The following NRXN1 variants were observed in gnomAD, a reference collection of about 807,000 sequenced individuals.
NRXN1 encodes neurexin-1.
A neutral mutation model predicts 150.9 loss-of-function variants in NRXN1; 39 were observed. The ratio of observed to expected loss-of-function variants is 0.26; its 90% CI spans 0.20 to 0.34. NRXN1 has a LOEUF of 0.34. NRXN1 is among the 10% of genes least tolerant of loss of function. The probability of loss-of-function intolerance (pLI) is 1.00; values close to 1 mark genes in which losing one functional copy is unlikely to be tolerated. For missense variants in NRXN1, 1,815 were observed against 1,949.9 expected, an observed-to-expected ratio of 0.93 and a Z score of 1.30; for synonymous variants, 924 against 757.0, an observed-to-expected ratio of 1.22 and a Z score of -3.62.
At chr2:50,813,080 G>C (rs1449528698) in intron 5 of NRXN1, among the ~76,000 whole-genome samples, 1 of 151,976 alleles carries the variant, frequency 6.6e-6, no homozygotes, top group Non-Finnish European at 1.5e-5. Flanking sequence ...TGTAGTCCCA[G>C]CTACATGGGA....
chr2:50,411,527 G>A (rs565114085), intron 17 of NRXN1, among the ~76,000 whole-genome samples: 25 of 150,670 alleles, frequency 1.7e-4, no homozygotes, highest in South Asian at 6.4e-4. Context: ...CCACCGCCCT[G>A]TCTGAGATGT....
chr2:50,834,782 G>C (rs964513910), intron 5 of NRXN1, among the ~76,000 whole-genome samples: 41 of 152,122 alleles, frequency 2.7e-4, no homozygotes, highest in African/African-American at 9.4e-4. Flanking sequence ...ACCCAGGTCT[G>C]AGTTGGGGCT....
intron 18 of NRXN1, among the ~76,000 whole-genome samples, chr2:50,121,528 G>A (rs905953853): frequency 1.2e-4 from 18 of 152,102 alleles, no homozygotes; most frequent in African/African-American, 4.1e-4. Context: ...TTTATATAAG[G>A]GACTTAAATA....
At chr2:50,402,239 T>G (rs1241904452) in intron 17 of NRXN1, among the ~76,000 whole-genome samples, 1 of 152,066 alleles carries the variant, frequency 6.6e-6, no homozygotes, top group Admixed American at 6.6e-5. Flanking sequence ...TTCCACTAAT[T>G]TAATACATCC....
At chr2:50,060,733 T>C (rs1174699360) in intron 19 of NRXN1, among the ~76,000 whole-genome samples, 1 of 152,212 alleles carries the variant, frequency 6.6e-6, no homozygotes, top group African/African-American at 2.4e-5. Context: ...CTCATGGTTT[T>C]ATAAAGGCAG....
rs192245878 is a variant in NRXN1, at chr2:50,870,903, C to T, written c.832+50966G>A. 1.3e-4 allele frequency among the ~76,000 whole-genome samples: 19 copies of T among 152,000 alleles called. No homozygotes were observed. The East Asian group carries it at 3.7e-3, about 30-fold the overall frequency. ...TTCTGCACAACATCCTCAGAAGTTACTACTCTGCTATAAATAAAATCTCAA... is the reference window on the plus strand; with the variant it reads ...TTCTGCACAACATCCTCAGAAGTTATTACTCTGCTATAAATAAAATCTCAA... On this transcript the variant is annotated intron_variant, in intron 5 of 22. Transcript: ENST00000401669.
intron 19 of NRXN1, among the ~76,000 whole-genome samples, chr2:50,055,591 G>C (rs1693468888): frequency 6.6e-6 from 1 of 152,044 alleles, no homozygotes; most frequent in African/African-American, 2.4e-5. Context: ...AAACAACAAA[G>C]TCCAAATAGT....
At chr2:50,822,500 T>C (rs1159821414) in intron 5 of NRXN1, among the ~76,000 whole-genome samples, 1 of 152,102 alleles carries the variant, frequency 6.6e-6, no homozygotes, top group Non-Finnish European at 1.5e-5. Context: ...CACCTTTGCA[T>C]AATATAAGAC....
rs1450821691 is a variant in NRXN1 at position 50,160,285 on chromosome 2, A to T, written c.3547-68791T>A. On this transcript the variant is annotated intron_variant, in intron 18 of 22. Transcript: ENST00000401669. Reference sequence around the variant, plus strand: ...GCCAGACGCAGTTGCTAACGTCTGTAATCCCAGCACTTTGGGAGGTCGAGG... The same window carrying T: ...GCCAGACGCAGTTGCTAACGTCTGTTATCCCAGCACTTTGGGAGGTCGAGG... Among the ~76,000 whole-genome samples, 3 of 152,134 alleles carry T rather than the reference A, an allele frequency of 2.0e-5. No individual in the cohort carries two copies. The East Asian group carries it at 5.8e-4, about 29-fold the overall frequency.
intron 5 of NRXN1, among the ~76,000 whole-genome samples, chr2:50,883,658 G>A (rs914103670): frequency 6.6e-6 from 1 of 151,692 alleles, no homozygotes; most frequent in African/African-American, 2.4e-5. Flanking sequence ...AGTATATTAT[G>A]TGTAAAAACA....
At chr2:50,808,647 C>T (rs1667825597) in intron 5 of NRXN1, among the ~76,000 whole-genome samples, 1 of 152,080 alleles carries the variant, frequency 6.6e-6, no homozygotes, top group African/African-American at 2.4e-5. Context: ...ATAGTGTTTT[C>T]TGACTCTTGA....
At chr2:50,487,632 C>T (rs1342150158) in intron 15 of NRXN1, among the ~76,000 whole-genome samples, 2 of 152,174 alleles carry the variant, frequency 1.3e-5, no homozygotes, top group Non-Finnish European at 2.9e-5. Context: ...TCCATGTTGA[C>T]CCATGGCTCA....
chr2:50,806,214 TG>T (rs1667488649), intron 5 of NRXN1, among the ~76,000 whole-genome samples: 1 of 152,154 alleles, frequency 6.6e-6, no homozygotes, highest in Admixed American at 6.5e-5. Context: ...AAAGTAAAGA[TG>T]GTCAATCTAT....
At chr2:50,995,819 C>T (rs1328301829) in intron 2 of NRXN1, among the ~76,000 whole-genome samples, 1 of 152,032 alleles carries the variant, frequency 6.6e-6, no homozygotes, top group African/African-American at 2.4e-5. Flanking sequence ...TCTTGTGTGA[C>T]TAAGCAAAGG....
chr2:50,661,378 AC>A (rs1687279609), intron 5 of NRXN1, among the ~76,000 whole-genome samples: 1 of 152,074 alleles, frequency 6.6e-6, no homozygotes, highest in Non-Finnish European at 1.5e-5. Flanking sequence ...TTTAACATGA[AC>A]TGTTCAAGCG....
At chr2:50,532,835 A>G (rs941258800) in intron 10 of NRXN1, among the ~76,000 whole-genome samples, 2 of 152,136 alleles carry the variant, frequency 1.3e-5, no homozygotes, top group African/African-American at 4.8e-5. Context: ...TAAGCACCAT[A>G]TGGTAGTGGA....
intron 18 of NRXN1, among the ~76,000 whole-genome samples, chr2:50,132,171 T>G (rs555531926): frequency 1.4e-4 from 22 of 152,272 alleles, no homozygotes; most frequent in Non-Finnish European, 2.5e-4. Context: ...ACATCATCAT[T>G]TCAAAATAGA....
At chr2:51,013,487 G>T (rs1266864099) in intron 2 of NRXN1, among the ~76,000 whole-genome samples, 5 of 149,996 alleles carry the variant, frequency 3.3e-5, no homozygotes, top group Non-Finnish European at 3.0e-5. Context: ...AGGTTTTGTA[G>T]GGGGAGGGGA....
At chr2:50,286,189 G>T (rs1038807161) in intron 17 of NRXN1, among the ~76,000 whole-genome samples, 20 of 152,018 alleles carry the variant, frequency 1.3e-4, no homozygotes, top group African/African-American at 4.8e-4. Context: ...ACAATGTATT[G>T]TTAACTGCAG....
Sources: allele counts gnomAD v4.1 joint callset (sites outside exome capture counted in the v4.1 genomes callset), GRCh38; gene constraint gnomAD v4.1.1; transcripts MANE v1.5; gene names NCBI Gene and HGNC (gene_info 2026-07-23, HGNC 2026-07-21).